Variants in POTEF observed in about 807,000 individuals in gnomAD.
The protein encoded by POTEF is ANKRD26-like family C member 1B.
A neutral mutation model predicts 83.2 loss-of-function variants in POTEF; 20 were observed. The observed-to-expected ratio is 0.24, with a 90% confidence interval of 0.17 to 0.35. The LOEUF (loss-of-function observed/expected upper bound fraction) is 0.35. Ranked by LOEUF, POTEF falls within the 10% of genes least tolerant of loss-of-function variation. POTEF has a pLI of 1.00. For synonymous variants in POTEF, 196 were observed against 446.4 expected (o/e 0.44, Z 7.07); for missense variants, 550 against 1,203.2 (o/e 0.46, Z 8.03).
At chr2:130,113,249 G>A (rs2104818785) in intron 5 of POTEF, among the ~76,000 whole-genome samples, 1 of 117,774 alleles carries the variant, frequency 8.5e-6, no homozygotes, top group African/African-American at 3.3e-5. Flanking sequence ...ACTGAGGTTG[G>A]AGGACCATCT....
chr2:130,120,456 G>A lies in POTEF; in HGVS notation c.60C>T (p.Leu20=), dbSNP rs1342389514. 1.2e-6 allele frequency: 2 copies of A among 1,613,620 alleles called. No homozygotes were observed. Among genetic ancestry groups the A allele is most frequent in the Non-Finnish European group, 8.5e-7 (1 of 1,179,864 alleles). Residue 20 remains leucine, a synonymous_variant, in exon 3 of 17, where the codon CTC becomes CTT. Transcript: ENST00000409914. ...AASSVKKPFG[L]RSKMGKWCCR... ...AGCACCACTTGCCCATCTTGCTCCT[G>A]AGACCAAATGGCTTCTTCACAGAAG...
intron 8 of POTEF, among the ~76,000 whole-genome samples, chr2:130,102,743 G>T (rs1425258166): frequency 6.6e-6 from 1 of 151,348 alleles, no homozygotes; most frequent in South Asian, 2.1e-4. Flanking sequence ...CTATTCGCAA[G>T]TTCCTGTTGA....
chr2:130,118,814 T>C (rs1684917369), intron 3 of POTEF, among the ~76,000 whole-genome samples: 2 of 151,852 alleles, frequency 1.3e-5, no homozygotes, highest in Admixed American at 1.3e-4. Context: ...CTTATTTTTG[T>C]GACATAAAAA....
chr2:130,075,806 T>C (rs1683783943), intron 16 of POTEF, among the ~76,000 whole-genome samples: 1 of 146,622 alleles, frequency 6.8e-6, no homozygotes, highest in Admixed American at 6.8e-5. Context: ...TGCTCCTAAA[T>C]TCCTAAAAGT....
chr2:130,086,293 CAT>C (rs1339742320), intron 14 of POTEF, 48 bp downstream of exon 14: 19 of 1,433,892 alleles, frequency 1.3e-5, no homozygotes, highest in Non-Finnish European at 1.8e-5. Context: ...TGTTAAACAA[CAT>C]AATGTAAAAA....
At chr2:130,115,771 T>C (rs1432150909) in intron 3 of POTEF, among the ~76,000 whole-genome samples, 1 of 152,194 alleles carries the variant, frequency 6.6e-6, no homozygotes, top group Non-Finnish European at 1.5e-5. Context: ...TAATTTTTAC[T>C]AATACCACTA....
At chr2:130,102,833 T>C (rs1349117831) in intron 8 of POTEF, among the ~76,000 whole-genome samples, 1 of 151,690 alleles carries the variant, frequency 6.6e-6, no homozygotes, top group Non-Finnish European at 1.5e-5. Flanking sequence ...TTTGTTCTGC[T>C]TCTGTAAGCT....
At chr2:130,110,432 A>G (rs1176248359) in intron 7 of POTEF, 111 bp downstream of exon 7, 15 of 1,584,702 alleles carry the variant, frequency 9.5e-6, no homozygotes, top group Non-Finnish European at 1.1e-5. Context: ...CTGCCACGCG[A>G]AAACTACCTG....
At position 130,108,046 on chromosome 2, in the gene POTEF, T is replaced by C; in HGVS notation, c.1089A>G (p.Lys363=). The C allele has an allele frequency of 6.2e-7, 1 of 1,604,472 alleles. No individual in the cohort carries two copies. The highest frequency in any genetic ancestry group is 8.5e-7 in the Non-Finnish European group (1 of 1,177,998). The part of the protein sequence containing the change: ...ICQLLSDYKE[K]QMLKISSENS... ...TTTCAGAAGAGATTTTTAGCATCTG[T>C]TTTTCTTTGTAGTCAGAAAGTAACT... Residue 363 remains lysine, a synonymous_variant, in exon 8 of 17, where the codon AAA becomes AAG. Coordinates refer to ENST00000409914, the MANE Select transcript of POTEF (RefSeq NM_001099771.2).
chr2:130,118,454 G>A (rs1287520270), intron 3 of POTEF, among the ~76,000 whole-genome samples: 5 of 151,848 alleles, frequency 3.3e-5, no homozygotes, highest in East Asian at 2.0e-4. Context: ...CCCAGCACTT[G>A]GGGAGGCCAA....
rs869125149 is a variant in POTEF, at chr2:130,103,098, CTTTCTTTT to C, written c.1127-926_1127-919del. ...GACACATTTATTTTCATTTTTCTTT[CTTTCTTTT>C]TTTTTTTTTTTTTGAGCCAGGGTCT... On this transcript the variant is annotated intron_variant, in intron 8 of 16. Coordinates refer to ENST00000409914, the MANE Select transcript of POTEF (RefSeq NM_001099771.2). 2.9e-4 allele frequency among the ~76,000 whole-genome samples: 35 copies of C among 122,504 alleles called. No homozygotes were observed. In the South Asian group the frequency reaches 4.5e-3, roughly 16 times the overall value. 80.4% of individuals were successfully genotyped at this position (122,504 alleles called of 152,430 possible). A position where few individuals can be genotyped will look rare whatever the true frequency, so the allele number is the denominator to read the frequency against.
chr2:130,114,454 C>T (rs1265920340), intron 5 of POTEF, among the ~76,000 whole-genome samples: 4 of 145,202 alleles, frequency 2.8e-5, no homozygotes, highest in African/African-American at 7.8e-5. Flanking sequence ...CGCATCACCT[C>T]GTATCTATTA....
At chr2:130,122,854 G>A (rs1685027090) in intron 2 of POTEF, among the ~76,000 whole-genome samples, 1 of 151,900 alleles carries the variant, frequency 6.6e-6, no homozygotes, top group Admixed American at 6.6e-5. Flanking sequence ...TTGGTGTATA[G>A]AAGCCAATGT....
At chr2:130,076,850 TCTC>T (rs1201018678) in intron 16 of POTEF, among the ~76,000 whole-genome samples, 1 of 151,444 alleles carries the variant, frequency 6.6e-6, no homozygotes, top group Non-Finnish European at 1.5e-5. Flanking sequence ...ATCAAATACT[TCTC>T]CTTTGGATTG....
At chr2:130,107,288 A>G (rs1684565084) in intron 8 of POTEF, among the ~76,000 whole-genome samples, 1 of 150,848 alleles carries the variant, frequency 6.6e-6, no homozygotes, top group African/African-American at 2.5e-5. Context: ...TTGTTCCAAC[A>G]AAGTAAATAT....
intron 2 of POTEF, among the ~76,000 whole-genome samples, chr2:130,127,071 T>C (rs1685108952): frequency 6.6e-6 from 1 of 151,924 alleles, no homozygotes; most frequent in African/African-American, 2.4e-5. Flanking sequence ...CCTATAATCC[T>C]AGCACTTTGG....
rs1573605968 is a variant in POTEF, at chr2:130,105,499, CAAACTATAGGCCACAGGCCA to C, written c.1126+2490_1126+2509del. 2.6e-5 allele frequency among the ~76,000 whole-genome samples: 4 copies of C among 151,858 alleles called. No individual in the cohort carries two copies. In the East Asian group the frequency reaches 7.7e-4, roughly 29 times the overall value. ...GTAAAGAACCTTCCATCAATCCCAGCAAACTATAGGCCACAGGCCAAATCCAATCTGCCTTATGGCTTTGT... is the reference window on the plus strand; with the variant it reads ...GTAAAGAACCTTCCATCAATCCCAGCAATCCAATCTGCCTTATGGCTTTGT... On this transcript the variant is annotated intron_variant, in intron 8 of 16. Coordinates refer to ENST00000409914, the MANE Select transcript of POTEF (RefSeq NM_001099771.2).
chr2:130,104,855 A>G (rs1305115533), intron 8 of POTEF, among the ~76,000 whole-genome samples: 1 of 151,332 alleles, frequency 6.6e-6, no homozygotes, highest in African/African-American at 2.5e-5. Context: ...ATCTTTGACA[A>G]GTCTTATTAG....
Position 130,086,361 on chromosome 2 carries a change from AT to A in POTEF, c.1577del (p.Asn526IlefsTer8). ...PEKRSQEPEINKDGDRELENF... is the reference protein window; with the variant it reads ...PEKRSQEPEIXKDGDRELENF... ...GGTATACCTCTCTATCACCATCCTT[AT>A]TTATTTCTGGTTCTTGAGATCTTTT... On this transcript the variant is annotated frameshift_variant, in exon 14 of 17. Transcript: ENST00000409914. LOFTEE classifies it high-confidence loss of function. The A allele has an allele frequency of 1.2e-5, 18 of 1,549,994 alleles. No individual in the cohort carries two copies. The highest frequency in any genetic ancestry group is 1.6e-5 in the Non-Finnish European group (18 of 1,145,748).
Sources: gnomAD v4.1 joint callset for allele counts (sites outside exome capture counted in the v4.1 genomes callset) on GRCh38, gnomAD v4.1.1 for gene constraint, MANE v1.5 for transcripts, NCBI Gene and HGNC (gene_info 2026-07-23, HGNC 2026-07-21) for gene names.